PCNX1: variants seen among roughly 807,000 people sequenced by gnomAD.
The protein encoded by PCNX1 is pecanex 1.
In PCNX1, 78 loss-of-function variants were observed where a neutral mutation model predicts 242.2. The ratio of observed to expected loss-of-function variants is 0.32; its 90% CI spans 0.27 to 0.39. PCNX1 has a LOEUF of 0.39. PCNX1 is among the 10% of genes least tolerant of loss of function. The probability of loss-of-function intolerance (pLI) is 1.00; values close to 1 mark genes in which losing one functional copy is unlikely to be tolerated. For synonymous variants in PCNX1, 1,024 were observed against 1,032.9 expected (o/e 0.99, Z 0.17); for missense variants, 2,581 against 2,856.5 (o/e 0.90, Z 2.20).
intron 19 of PCNX1, among the ~76,000 whole-genome samples, chr14:71,042,303 A>G (rs532835988): frequency 2.1e-4 from 32 of 152,252 alleles, no homozygotes; most frequent in African/African-American, 7.5e-4. Flanking sequence ...ATTGGGGTCT[A>G]TCTCATTAGC....
intron 26 of PCNX1, among the ~76,000 whole-genome samples, chr14:71,062,564 A>G (rs1261097783): frequency 6.6e-6 from 1 of 152,090 alleles, no homozygotes; most frequent in Non-Finnish European, 1.5e-5. Flanking sequence ...TTATGCAGCT[A>G]TACAATATGT....
At chr14:71,052,633 T>C (rs1337264220) in intron 24 of PCNX1, among the ~76,000 whole-genome samples, 2 of 152,254 alleles carry the variant, frequency 1.3e-5, no homozygotes, top group African/African-American at 4.8e-5. Context: ...AACTTTATGC[T>C]ATATAATATC....
At position 70,975,192 on chromosome 14, in the gene PCNX1, C is replaced by T. The variant is rs551538418; in HGVS notation, c.605-1750C>T. 6.4e-4 allele frequency among the ~76,000 whole-genome samples: 98 copies of T among 151,980 alleles called. No homozygotes were observed. The South Asian group carries it at 0.016, about 24-fold the overall frequency. On this transcript the variant is annotated intron_variant, in intron 5 of 35. Coordinates refer to ENST00000304743, the MANE Select transcript of PCNX1 (RefSeq NM_014982.3). ...CTTGAAATGTGAATATCACACCAAC[C>T]GATAATTGCTTATTAGAGATAAAGA...
chr14:70,947,345 A>G (rs2057497486), intron 2 of PCNX1, among the ~76,000 whole-genome samples: 1 of 152,194 alleles, frequency 6.6e-6, no homozygotes, highest in African/African-American at 2.4e-5. Context: ...CCTCATTACT[A>G]GACAGGTTAG....
At chr14:70,920,051 C>A (rs2056318863) in intron 1 of PCNX1, among the ~76,000 whole-genome samples, 1 of 151,986 alleles carries the variant, frequency 6.6e-6, no homozygotes, top group Non-Finnish European at 1.5e-5. Flanking sequence ...CTTTTCCTAC[C>A]CCTCCTCACT....
intron 24 of PCNX1, 56 bp downstream of exon 24, chr14:71,052,068 T>A: frequency 7.9e-7 from 1 of 1,267,650 alleles, no homozygotes; most frequent in Non-Finnish European, 1.1e-6. Flanking sequence ...TGGGAAAAAC[T>A]ATTGACAGCA....
intron 2 of PCNX1, 113 bp from the exon 3 acceptor site, chr14:70,962,113 A>T: frequency 1.4e-6 from 1 of 689,856 alleles, no homozygotes; most frequent in Non-Finnish European, 2.6e-6. Context: ...CTGGATTAAA[A>T]ATCAGAACCT....
At chr14:70,927,572 TTTTATTTA>T (rs61306962) in intron 1 of PCNX1, among the ~76,000 whole-genome samples, 5 of 151,714 alleles carry the variant, frequency 3.3e-5, no homozygotes, top group African/African-American at 9.7e-5. Context: ...ATTCTCTCTC[TTTTATTTA>T]TTTATTTATT....
intron 25 of PCNX1, among the ~76,000 whole-genome samples, chr14:71,055,886 CTGACACA>C (rs2061170487): frequency 6.6e-6 from 1 of 152,148 alleles, no homozygotes. Context: ...TGCAGTCAGA[CTGACACA>C]TGTTTTATTA....
intron 1 of PCNX1, among the ~76,000 whole-genome samples, chr14:70,938,038 G>A (rs1415464775): frequency 3.3e-5 from 5 of 152,162 alleles, no homozygotes; most frequent in African/African-American, 1.2e-4. Flanking sequence ...GGGCTCAGAC[G>A]ATAGGGTTTT....
intron 2 of PCNX1, among the ~76,000 whole-genome samples, chr14:70,958,304 C>T (rs1253868593): frequency 6.6e-6 from 1 of 152,092 alleles, no homozygotes; most frequent in Non-Finnish European, 1.5e-5. Flanking sequence ...ACCTGTTACG[C>T]AAACAGGGAC....
intron 1 of PCNX1, among the ~76,000 whole-genome samples, chr14:70,937,375 A>G (rs999621202): frequency 1.3e-5 from 2 of 152,204 alleles, no homozygotes; most frequent in Non-Finnish European, 2.9e-5. Flanking sequence ...TCCCAGCACC[A>G]TTTATTAAAT....
At chr14:70,968,971 C>T (rs1232916258) in intron 4 of PCNX1, 50 bp from the exon 5 acceptor site, 1 of 1,037,408 alleles carries the variant, frequency 9.6e-7, no homozygotes, top group East Asian at 2.4e-5. Context: ...TGCCACCCTA[C>T]AGCCTTACTG....
At chr14:70,923,685 T>G (rs1466567034) in intron 1 of PCNX1, among the ~76,000 whole-genome samples, 1 of 152,250 alleles carries the variant, frequency 6.6e-6, no homozygotes, top group African/African-American at 2.4e-5. Context: ...TTAATATATC[T>G]TAAACATCTG....
At chr14:70,910,298 T>G (rs1248878486) in intron 1 of PCNX1, among the ~76,000 whole-genome samples, 1 of 143,984 alleles carries the variant, frequency 6.9e-6, no homozygotes, top group Non-Finnish European at 1.5e-5. Flanking sequence ...CCATTCTCTC[T>G]CCTGGATTAT....
chr14:70,970,987 A>T (rs886365197), intron 5 of PCNX1, among the ~76,000 whole-genome samples: 8 of 152,184 alleles, frequency 5.3e-5, no homozygotes, highest in Admixed American at 2.0e-4. Context: ...ACAGATAAGC[A>T]TGTTATTGCT....
chr14:70,963,999 A>G (rs968170394), intron 3 of PCNX1, among the ~76,000 whole-genome samples: 3 of 152,148 alleles, frequency 2.0e-5, no homozygotes, highest in African/African-American at 7.2e-5. Flanking sequence ...GGAGATGTCA[A>G]GAGTTTTTTT....
intron 33 of PCNX1, 94 bp from the exon 34 acceptor site, chr14:71,108,510 A>C: frequency 1.0e-6 from 1 of 954,216 alleles, no homozygotes; most frequent in South Asian, 1.6e-5. Context: ...TCACCAATTA[A>C]TTGCTTAGGG....
chr14:70,962,494 T>A (rs1425332898), intron 3 of PCNX1, among the ~76,000 whole-genome samples, 163 bp downstream of exon 3: 1 of 152,260 alleles, frequency 6.6e-6, no homozygotes, highest in African/African-American at 2.4e-5. Flanking sequence ...TTTAAGTTAC[T>A]TTTCACATTG....
Sources: allele counts gnomAD v4.1 joint callset (sites outside exome capture counted in the v4.1 genomes callset), GRCh38; gene constraint gnomAD v4.1.1; transcripts MANE v1.5; gene names NCBI Gene and HGNC (gene_info 2026-07-23, HGNC 2026-07-21).